VPS13C: variants seen among roughly 807,000 people sequenced by gnomAD.
VPS13C encodes vacuolar protein sorting 13 homolog C.
A neutral mutation model predicts 456.8 loss-of-function variants in VPS13C; 358 were observed. The ratio of observed to expected loss-of-function variants is 0.78; its 90% CI spans 0.72 to 0.86. VPS13C has a LOEUF of 0.86. Ranked by LOEUF, VPS13C falls within the 40% of genes least tolerant of loss-of-function variation. The pLI is 0.00. For missense variants in VPS13C, 4,818 were observed against 4,385.4 expected (o/e 1.10, Z -2.79); for synonymous variants, 1,578 against 1,486.7 (o/e 1.06, Z -1.41).
At position 61,927,233 on chromosome 15, in the gene VPS13C, G is replaced by C. The variant is rs150220235; in HGVS notation, c.6374C>G (p.Ala2125Gly). 1 of 1,614,078 alleles carries C rather than the reference G, an allele frequency of 6.2e-7. No homozygotes were observed. The highest frequency in any genetic ancestry group is 1.3e-5 in the African/African-American group (1 of 74,926). The change falls in exon 52 of 85, where the codon GCT becomes GGT. Residue 2125 changes from alanine to glycine, a missense_variant. This residue lies in a region of VPS13C where 4,552 missense variants were observed against 4,130.6 expected (regional missense o/e 1.10). Transcript: ENST00000644861. ...VFVASLTKADAPALTASFQCN... is the reference protein window; with the variant it reads ...VFVASLTKADGPALTASFQCN... ...CTGAAACGAGGCTGTCAGAGCAGGA[G>C]CATCAGCCTTTGTCAGGCTGGCAAC... is the stretch of plus-strand genomic sequence containing the variant.
intron 8 of VPS13C, among the ~76,000 whole-genome samples, chr15:62,022,272 T>A (rs748387569): frequency 5.9e-5 from 9 of 151,868 alleles, no homozygotes; most frequent in Non-Finnish European, 1.3e-4. Flanking sequence ...ATGATAAAGT[T>A]TAATTTTACA....
intron 61 of VPS13C, among the ~76,000 whole-genome samples, chr15:61,915,377 A>ATAC (rs113544556): frequency 0.014 from 2,081 of 151,948 alleles, 34 homozygotes; most frequent in African/African-American, 0.042. Context: ...TCTATCTACT[A>ATAC]TACTACTACT....
At chr15:61,983,788 T>C in intron 20 of VPS13C, 32 bp downstream of exon 20, 1 of 1,599,924 alleles carries the variant, frequency 6.3e-7, no homozygotes, top group South Asian at 1.1e-5. Context: ...TAAGATGATT[T>C]AAATAAAGAG....
At chr15:61,950,518 A>G (rs2044751239) in intron 40 of VPS13C, 101 bp from the exon 41 acceptor site, 1 of 925,588 alleles carries the variant, frequency 1.1e-6, no homozygotes, top group Non-Finnish European at 1.6e-6. Flanking sequence ...CTATTAAAAG[A>G]GTAAAAAGAT....
At chr15:62,038,467 G>C (rs961330673) in intron 3 of VPS13C, among the ~76,000 whole-genome samples, 1 of 152,002 alleles carries the variant, frequency 6.6e-6, no homozygotes, top group Non-Finnish European at 1.5e-5. Context: ...CACACCCGTC[G>C]TTTCAGCAAC....
chr15:61,964,419 C>CG, intron 31 of VPS13C, among the ~76,000 whole-genome samples: 1 of 152,028 alleles, frequency 6.6e-6, no homozygotes, highest in East Asian at 1.9e-4. Flanking sequence ...AGCCACTGAG[C>CG]GGGGAGGAAG....
At position 62,047,989 on chromosome 15, in the gene VPS13C, C is replaced by A. The variant is rs537376784; in HGVS notation, c.101-3734G>T. Among the ~76,000 whole-genome samples the A allele has an allele frequency of 3.3e-5, 5 of 150,822 alleles. No homozygotes were observed. In the South Asian group the frequency reaches 6.3e-4, roughly 19 times the overall value. On this transcript the variant is annotated intron_variant, in intron 1 of 84. Transcript: ENST00000644861. ...AACTTTAGTGCTATAGCCAGATCAC[C>A]AGGGCTAAGAACACATAGAAGTCAT...
At chr15:61,879,583 T>C (rs955524876) in intron 73 of VPS13C, 1 of 152,124 alleles carries the variant, frequency 6.6e-6, no homozygotes, top group African/African-American at 2.4e-5. Flanking sequence ...TTAGACTTCA[T>C]GGCACAATTC....
At position 61,991,099 on chromosome 15, in the gene VPS13C, G is replaced by T; in HGVS notation, c.1484-5C>A. Reference sequence around the variant, plus strand: ...GAGTCATAAGGTCATCAATAGCTATGAAAAAACAACATTTTAAGAAATTAA... The same window carrying T: ...GAGTCATAAGGTCATCAATAGCTATTAAAAAACAACATTTTAAGAAATTAA... On this transcript the variant is annotated splice_region_variant and splice_polypyrimidine_tract_variant and intron_variant, in intron 17 of 84. Coordinates refer to ENST00000644861, the MANE Select transcript of VPS13C (RefSeq NM_020821.3). The T allele has an allele frequency of 6.3e-7, 1 of 1,578,986 alleles. No homozygotes were observed. The highest frequency in any genetic ancestry group is 8.6e-7 in the Non-Finnish European group (1 of 1,164,972).
In VPS13C at chr15:62,008,645, T is replaced by C. The variant is rs773260262; in HGVS notation, c.1118+10A>G. ...GTTCCTCACAAAACAAAAAACAAAT[T>C]CTAACTTACCATCGTCGACCATTGG... On this transcript the variant is annotated intron_variant, in intron 14 of 84. Transcript: ENST00000644861. 6.3e-6 allele frequency: 10 copies of C among 1,576,560 alleles called. No individual in the cohort carries two copies. Among genetic ancestry groups the C allele is most frequent in the Non-Finnish European group, 4.3e-6 (5 of 1,159,234 alleles).
intron 16 of VPS13C, among the ~76,000 whole-genome samples, chr15:61,996,277 A>C (rs927016685): frequency 7.9e-5 from 12 of 152,196 alleles, no homozygotes; most frequent in African/African-American, 2.9e-4. Context: ...ACTCAAACTT[A>C]CATACCAAAG....
At chr15:61,905,946 T>G (rs2140130970) in intron 66 of VPS13C, among the ~76,000 whole-genome samples, 1 of 152,320 alleles carries the variant, frequency 6.6e-6, no homozygotes, top group Non-Finnish European at 1.5e-5. Context: ...TATAACTTAG[T>G]TGAGGATGCC....
chr15:62,049,867 A>G (rs908058656), intron 1 of VPS13C, among the ~76,000 whole-genome samples: 18 of 152,184 alleles, frequency 1.2e-4, no homozygotes, highest in African/African-American at 4.8e-5. Context: ...TGAAGCAATT[A>G]TGAATGGGAG....
chr15:61,950,004 T>C (rs1201042614), intron 41 of VPS13C, among the ~76,000 whole-genome samples: 14 of 152,222 alleles, frequency 9.2e-5, no homozygotes, highest in Non-Finnish European at 1.8e-4. Context: ...GTTAATCTTA[T>C]TCTAATCCTA....
intron 1 of VPS13C, among the ~76,000 whole-genome samples, chr15:62,048,273 C>G (rs545790884): frequency 7.5e-6 from 1 of 133,800 alleles, no homozygotes; most frequent in East Asian, 2.4e-4. Context: ...CCAACAGGCC[C>G]CTGTGTGTGA....
Position 61,867,878 on chromosome 15 carries a change from T to G in VPS13C, c.10863+781A>C. 1.3e-6 allele frequency: 2 copies of G among 1,599,358 alleles called. No homozygotes were observed. The highest frequency in any genetic ancestry group is 8.5e-7 in the Non-Finnish European group (1 of 1,173,218). Reference sequence around the variant, plus strand: ...CACACAGTCAATTAACACCACAGTTTGTTTTGATTTTTAAGGATGAAATCA... The same window carrying G: ...CACACAGTCAATTAACACCACAGTTGGTTTTGATTTTTAAGGATGAAATCA... On this transcript the variant is annotated intron_variant, in intron 81 of 84. Transcript: ENST00000644861. The surrounding 1 kb of genome is among the most constrained non-coding windows in gnomAD (Gnocchi z 5.0).
intron 78 of VPS13C, 68 bp downstream of exon 78, chr15:61,873,178 C>T: frequency 6.3e-7 from 1 of 1,591,300 alleles, no homozygotes; most frequent in Non-Finnish European, 8.6e-7. Context: ...TTCTAAGTTT[C>T]ACACAACCAG....
intron 80 of VPS13C, among the ~76,000 whole-genome samples, chr15:61,869,116 CT>C (rs68084709): frequency 0.39 from 51,778 of 131,294 alleles, 9,446 homozygotes; most frequent in Admixed American, 0.44. Context: ...TTTCTTTTTT[CT>C]TTTTTTTTTT....
chr15:61,865,071 T>A, intron 81 of VPS13C: 2 of 984,882 alleles, frequency 2.0e-6, no homozygotes, highest in Non-Finnish European at 2.4e-6. Context: ...CCCACTACAC[T>A]CTGAGATTCA....
Sources: gnomAD v4.1 joint callset for allele counts (sites outside exome capture counted in the v4.1 genomes callset) on GRCh38, gnomAD v4.1.1 for gene constraint, gnomAD v4.1.1 regional missense constraint, Gnocchi (gnomAD v3.1) non-coding constraint, MANE v1.5 for transcripts, NCBI Gene and HGNC (gene_info 2026-07-23, HGNC 2026-07-21) for gene names.